LINGO2: variants seen among roughly 807,000 people sequenced by gnomAD.
LINGO2 encodes leucine-rich repeat and immunoglobulin-like domain-containing nogo receptor-interacting protein 2.
LINGO2 carries 14 observed loss-of-function variants against 30.6 expected under a neutral mutation model. The observed-to-expected ratio is 0.46, with a 90% CI of 0.30 to 0.72. The LOEUF (loss-of-function observed/expected upper bound fraction) is 0.72, where lower values mean the gene tolerates loss of function less well. LINGO2 is among the 30% of genes least tolerant of loss of function. The pLI is 0.07. For synonymous variants in LINGO2, 317 were observed against 288.5 expected, an observed-to-expected ratio of 1.10 and a Z score of -1.00; for missense variants, 729 against 751.7, an observed-to-expected ratio of 0.97 and a Z score of 0.35.
At chr9:29,149,797 A>T in the LINGO2 span, among the ~76,000 whole-genome samples, 104 of 152,320 alleles carry the variant, frequency 6.8e-4, 2 homozygotes, top group Admixed American at 5.9e-3. Flanking sequence ...ATAGATGCAC[A>T]TCCGCTAACG....
chr9:28,628,403 C>G (rs1196693898), intron 1 of LINGO2, among the ~76,000 whole-genome samples: 1 of 152,064 alleles, frequency 6.6e-6, no homozygotes, highest in Non-Finnish European at 1.5e-5. Flanking sequence ...AAAACAAATG[C>G]TACTTGCAGA....
chr9:28,697,149 T>A, the LINGO2 span, among the ~76,000 whole-genome samples: 2 of 151,980 alleles, frequency 1.3e-5, no homozygotes, highest in Non-Finnish European at 2.9e-5. Context: ...TGATTAGAAC[T>A]CCATGGGAAC....
chr9:28,629,582 G>A (rs1002681520), intron 1 of LINGO2, among the ~76,000 whole-genome samples: 1 of 151,878 alleles, frequency 6.6e-6, no homozygotes, highest in African/African-American at 2.4e-5. Context: ...TACTAAAAAT[G>A]AGAAATTAAA....
the LINGO2 span, among the ~76,000 whole-genome samples, chr9:28,807,662 G>T: frequency 2.5e-4 from 38 of 152,190 alleles, no homozygotes; most frequent in Admixed American, 2.5e-3. Context: ...AATAACATTT[G>T]CCCCATGTAA....
chr9:28,237,125 G>GGGGA (rs1554691308), intron 4 of LINGO2, among the ~76,000 whole-genome samples: 2 of 137,046 alleles, frequency 1.5e-5, no homozygotes, highest in African/African-American at 5.5e-5. Flanking sequence ...TGCGGGGGGG[G>GGGGA]GGTAAAGTTA....
the LINGO2 span, among the ~76,000 whole-genome samples, chr9:28,987,185 G>A: frequency 5.9e-3 from 885 of 149,222 alleles, 8 homozygotes; most frequent in African/African-American, 0.021. Context: ...GGGCTTTTCT[G>A]TGATGGGAGA....
At position 28,365,441 on chromosome 9, in the gene LINGO2, C is replaced by A. The variant is rs537317267; in HGVS notation, c.-246+7395G>T. Reference sequence around the variant, plus strand: ...TGTGCTGCAGAGGCGACCCTATTTTCAAACAGGCTGTATAGTGAAATACCA... The same window carrying A: ...TGTGCTGCAGAGGCGACCCTATTTTAAAACAGGCTGTATAGTGAAATACCA... On this transcript the variant is annotated intron_variant, in intron 3 of 5. Transcript: ENST00000379992. Among the ~76,000 whole-genome samples, 4 of 152,276 alleles carry A rather than the reference C, an allele frequency of 2.6e-5. No homozygotes were observed. The South Asian group carries it at 8.3e-4, about 32-fold the overall frequency.
chr9:28,260,515 A>G (rs1019388267), intron 4 of LINGO2, among the ~76,000 whole-genome samples: 5 of 151,862 alleles, frequency 3.3e-5, no homozygotes, highest in Admixed American at 2.6e-4. Flanking sequence ...GTCTTGTGAG[A>G]CAGACTCTTA....
intron 1 of LINGO2, among the ~76,000 whole-genome samples, chr9:28,535,569 C>G (rs1821401721): frequency 6.6e-6 from 1 of 151,946 alleles, no homozygotes. Flanking sequence ...AGAAAATGTT[C>G]AGAGACTTCA....
intron 1 of LINGO2, among the ~76,000 whole-genome samples, chr9:28,533,182 C>T (rs1171818070): frequency 1.3e-5 from 2 of 152,082 alleles, no homozygotes; most frequent in African/African-American, 4.8e-5. Context: ...CTTCATCTTG[C>T]TCGGGTGCTG....
the LINGO2 span, among the ~76,000 whole-genome samples, chr9:29,071,194 G>C: frequency 7.0e-6 from 1 of 143,174 alleles, no homozygotes; most frequent in Non-Finnish European, 1.5e-5. Context: ...GTATTGTATT[G>C]TATTGTATTT....
At chr9:28,164,899 C>T (rs1192308171) in intron 4 of LINGO2, among the ~76,000 whole-genome samples, 2 of 152,180 alleles carry the variant, frequency 1.3e-5, no homozygotes, top group Admixed American at 6.5e-5. Context: ...GGTTCCCACT[C>T]ATCATATCGA....
At chr9:28,160,340 T>C (rs57177772) in intron 4 of LINGO2, among the ~76,000 whole-genome samples, 11,910 of 152,186 alleles carry the variant, frequency 0.078, 599 homozygotes, top group African/African-American at 0.14. Flanking sequence ...TAATGACCCT[T>C]GGACTCATCA....
intron 4 of LINGO2, among the ~76,000 whole-genome samples, chr9:28,030,083 G>A (rs1823591288): frequency 6.6e-6 from 1 of 152,170 alleles, no homozygotes. Context: ...ACTTGTAAGA[G>A]CTTCCATATA....
the LINGO2 span, among the ~76,000 whole-genome samples, chr9:29,044,989 T>G: frequency 6.6e-6 from 1 of 152,146 alleles, no homozygotes; most frequent in Non-Finnish European, 1.5e-5. Flanking sequence ...TAAAATATCT[T>G]ATTGTACTAT....
chr9:28,082,921 T>G (rs1825812473), intron 4 of LINGO2, among the ~76,000 whole-genome samples: 1 of 152,132 alleles, frequency 6.6e-6, no homozygotes, highest in Admixed American at 6.6e-5. Flanking sequence ...TTTCCCTCTG[T>G]TAGCATCTTA....
chr9:28,322,480 C>T (rs1039680248), intron 3 of LINGO2, among the ~76,000 whole-genome samples: 17 of 136,918 alleles, frequency 1.2e-4, no homozygotes, highest in South Asian at 7.2e-4. Context: ...CACACACACA[C>T]GTTTACAATA....
the LINGO2 span, among the ~76,000 whole-genome samples, chr9:28,956,536 A>G: frequency 6.6e-6 from 1 of 151,640 alleles, no homozygotes; most frequent in Admixed American, 6.6e-5. Context: ...AGATGCTAAC[A>G]TAATCAAGTT....
At chr9:28,840,365 A>G in the LINGO2 span, among the ~76,000 whole-genome samples, 2 of 151,838 alleles carry the variant, frequency 1.3e-5, no homozygotes, top group Non-Finnish European at 2.9e-5. Flanking sequence ...TGCCATCAAT[A>G]TCAAGTACTA....
Sources: allele counts gnomAD v4.1 joint callset (sites outside exome capture counted in the v4.1 genomes callset), GRCh38; gene constraint gnomAD v4.1.1; transcripts MANE v1.5; gene names NCBI Gene and HGNC (gene_info 2026-07-23, HGNC 2026-07-21).